The following DMD variants were observed in gnomAD, a reference collection of about 807,000 sequenced individuals.
DMD encodes dystrophin, also known as mutant dystrophin.
DMD carries 63 observed loss-of-function variants against 330.1 expected under a neutral mutation model. That is an observed-to-expected ratio of 0.19 (90% CI 0.16 to 0.24). The LOEUF (loss-of-function observed/expected upper bound fraction) is 0.24, where lower values mean the gene tolerates loss of function less well. Among genes scored for constraint, DMD ranks in the 10% least tolerant of loss-of-function variants. DMD has a pLI of 1.00. For synonymous variants in DMD, 1,223 were observed against 959.8 expected (o/e 1.27, Z -5.07); for missense variants, 3,344 against 2,684.1 (o/e 1.25, Z -5.43).
intron 66 of DMD, among the ~76,000 whole-genome samples, chrX:31,204,957 C>T (rs1185259849): frequency 8.9e-6 from 1 of 111,869 alleles, no homozygotes; most frequent in African/African-American, 3.3e-5. Context: ...TCATGTTATG[C>T]TGGCATTGAT....
At chrX:31,936,332 C>G (rs1366314970) in intron 45 of DMD, among the ~76,000 whole-genome samples, 1 of 111,570 alleles carries the variant, frequency 9.0e-6, no homozygotes, top group Middle Eastern at 4.2e-3. Context: ...TCAGAACACT[C>G]GTAAACTCCC....
At chrX:32,194,022 G>A (rs1483955594) in intron 44 of DMD, among the ~76,000 whole-genome samples, 2 of 111,952 alleles carry the variant, frequency 1.8e-5, no homozygotes, top group African/African-American at 3.2e-5. Flanking sequence ...TAAAGATCAA[G>A]GCAGATAAAC....
intron 78 of DMD, among the ~76,000 whole-genome samples, chrX:31,125,973 A>C (rs1447365028): frequency 1.8e-5 from 2 of 111,479 alleles, no homozygotes; most frequent in Non-Finnish European, 3.8e-5. Context: ...CTGGATCCAA[A>C]TCCTTGGCTC....
At chrX:31,491,319 A>G (rs968678841) in intron 57 of DMD, among the ~76,000 whole-genome samples, 7 of 111,560 alleles carry the variant, frequency 6.3e-5, no homozygotes, top group Non-Finnish European at 9.4e-5. Flanking sequence ...CTCCTTTAAA[A>G]CTCTCTCTAG....
intron 52 of DMD, among the ~76,000 whole-genome samples, chrX:31,705,119 C>T (rs2084084909): frequency 8.9e-6 from 1 of 111,961 alleles, no homozygotes; most frequent in African/African-American, 3.2e-5. Context: ...GAAGTGACAC[C>T]GTCTAATCTG....
intron 55 of DMD, among the ~76,000 whole-genome samples, chrX:31,625,075 C>A (rs2078766142): frequency 8.9e-6 from 1 of 111,987 alleles, no homozygotes; most frequent in African/African-American, 3.2e-5. Context: ...CCGAGTCTTT[C>A]ATCAAAAGAT....
intron 53 of DMD, among the ~76,000 whole-genome samples, chrX:31,676,609 C>A (rs1285662886): frequency 9.0e-6 from 1 of 111,575 alleles, no homozygotes; most frequent in Non-Finnish European, 1.9e-5. Flanking sequence ...GCCACGTAGA[C>A]AATTGGAAGA....
At chrX:31,190,615 GGGAGGGC>G in intron 67 of DMD, among the ~76,000 whole-genome samples, 6 of 16,693 alleles carry the variant, frequency 3.6e-4, no homozygotes, top group African/African-American at 4.7e-4. Flanking sequence ...GGGGGGGAGG[GGGAGGGC>G]GGGGAGGGGG....
In DMD at chrX:31,840,549, C is replaced by CTTTT. The variant is rs1207207240; in HGVS notation, c.7099-3734_7099-3731dup. Among the ~76,000 whole-genome samples, 9 of 76,342 alleles carry CTTTT rather than the reference C, an allele frequency of 1.2e-4. 2 individuals carry two copies. Among genetic ancestry groups the CTTTT allele is most frequent in the South Asian group, 6.8e-4 (1 of 1,465 alleles). The allele number at this position is 76,342 out of a possible 115,157, so 66.3% of individuals were successfully genotyped here. A position where few individuals can be genotyped will look rare whatever the true frequency, so the allele number is the denominator to read the frequency against. On this transcript the variant is annotated intron_variant, in intron 48 of 78. Coordinates refer to ENST00000357033, the MANE Select transcript of DMD (RefSeq NM_004006.3). ...TGCCTTATTGGCTCTGCAGATACTG[C>CTTTT]TTTTTTTTTTTTTTTTTTTTTACAA...
intron 2 of DMD, among the ~76,000 whole-genome samples, chrX:32,981,185 T>C (rs2092699327): frequency 9.0e-6 from 1 of 111,626 alleles, no homozygotes; most frequent in Admixed American, 9.6e-5. Context: ...ACATTAACAG[T>C]TTTTGTCTCA....
chrX:32,976,308 C>T (rs988767027), intron 2 of DMD, among the ~76,000 whole-genome samples: 3 of 111,003 alleles, frequency 2.7e-5, no homozygotes, highest in African/African-American at 9.8e-5. Context: ...CGTGAAAGCA[C>T]TGTGATTGTC....
At chrX:31,911,144 T>A (rs1436387481) in intron 47 of DMD, among the ~76,000 whole-genome samples, 1 of 112,201 alleles carries the variant, frequency 8.9e-6, no homozygotes, top group African/African-American at 3.2e-5. Flanking sequence ...AACAGTGTGT[T>A]GGTGCTTTCA....
intron 2 of DMD, among the ~76,000 whole-genome samples, chrX:32,900,846 TTTG>T (rs2086172282): frequency 9.0e-6 from 1 of 111,710 alleles, no homozygotes; most frequent in Non-Finnish European, 1.9e-5. Flanking sequence ...GTAAAGATAT[TTTG>T]TTAAAATTAT....
intron 1 of DMD, among the ~76,000 whole-genome samples, chrX:33,321,318 A>T (rs1603430407): frequency 8.9e-6 from 1 of 111,838 alleles, no homozygotes; most frequent in Non-Finnish European, 1.9e-5. Context: ...CCCATGGGCT[A>T]CAGAATGGAT....
intron 44 of DMD, among the ~76,000 whole-genome samples, chrX:31,982,720 C>A (rs2095483791): frequency 9.1e-6 from 1 of 109,422 alleles, no homozygotes; most frequent in Admixed American, 9.8e-5. Context: ...ATAAAATAGT[C>A]TTTCCCAGTA....
chrX:32,231,504 T>A (rs1031633504), intron 43 of DMD, among the ~76,000 whole-genome samples: 1 of 112,125 alleles, frequency 8.9e-6, no homozygotes, highest in African/African-American at 3.2e-5. Flanking sequence ...TCTTTGGCCA[T>A]AAAAAATTAA....
chrX:32,866,140 A>G (rs770346304), intron 2 of DMD, among the ~76,000 whole-genome samples: 7 of 112,107 alleles, frequency 6.2e-5, no homozygotes, highest in Non-Finnish European at 1.3e-4. Flanking sequence ...AGTGGAACCG[A>G]GTCAAGTTGC....
Position 32,286,448 on chromosome X carries a change from C to G in DMD, c.6290+1081G>C. 3.6e-5 allele frequency among the ~76,000 whole-genome samples: 4 copies of G among 111,807 alleles called. 1 individual carries two copies. In the Middle Eastern group the frequency reaches 0.018, roughly 513 times the overall value. Reference sequence around the variant, plus strand: ...GAGGGAGTACAAAACACTTGGGCATCTGCAAATTGATTTAATATCGCTAGA... The same window carrying G: ...GAGGGAGTACAAAACACTTGGGCATGTGCAAATTGATTTAATATCGCTAGA... On this transcript the variant is annotated intron_variant, in intron 43 of 78. Coordinates refer to ENST00000357033, the MANE Select transcript of DMD (RefSeq NM_004006.3).
intron 55 of DMD, among the ~76,000 whole-genome samples, chrX:31,556,878 C>T (rs1355429989): frequency 9.0e-6 from 1 of 111,449 alleles, no homozygotes; most frequent in African/African-American, 3.3e-5. Context: ...TCAGTAAATG[C>T]CACTATAAAA....
Sources: gnomAD v4.1 joint callset for allele counts (sites outside exome capture counted in the v4.1 genomes callset) on GRCh38, gnomAD v4.1.1 for gene constraint, MANE v1.5 for transcripts, NCBI Gene and HGNC (gene_info 2026-07-23, HGNC 2026-07-21) for gene names.